CD247: variants seen among roughly 807,000 people sequenced by gnomAD.
The protein encoded by CD247 is T-cell surface glycoprotein CD3 zeta chain.
A neutral mutation model predicts 30.0 loss-of-function variants in CD247; 13 were observed. The observed-to-expected ratio is 0.43, with a 90% confidence interval of 0.28 to 0.69. The LOEUF (loss-of-function observed/expected upper bound fraction) is 0.69, where lower values mean the gene tolerates loss of function less well. Among genes scored for constraint, CD247 ranks in the 30% least tolerant of loss-of-function variants. The pLI, the probability that CD247 is intolerant of heterozygous loss-of-function variation, is 0.16. For synonymous variants in CD247, 72 were observed against 80.0 expected (o/e 0.90, Z 0.53); for missense variants, 193 against 212.6 (o/e 0.91, Z 0.57).
At chr1:167,443,071 G>A (rs1465702262) in intron 1 of CD247, among the ~76,000 whole-genome samples, 1 of 152,044 alleles carries the variant, frequency 6.6e-6, no homozygotes, top group African/African-American at 2.4e-5. Context: ...CTCAACACCT[G>A]TTGAAATCAG....
rs992764966 is a variant in CD247, at chr1:167,494,044, G to GGGAGGAT, written c.58+24363_58+24364insATCCTCC. Among the ~76,000 whole-genome samples the GGGAGGAT allele has an allele frequency of 6.6e-6, 1 of 152,098 alleles. No individual in the cohort carries two copies. The highest frequency in any genetic ancestry group is 1.5e-5 in the Non-Finnish European group (1 of 68,034). ...CTCAGGGCTCTGCTGAGTTGGGTGGGGGAGGCTGGAGGCTGCAAAATGATG... is the reference window on the plus strand; with the variant it reads ...CTCAGGGCTCTGCTGAGTTGGGTGGGGGAGGATGGAGGCTGGAGGCTGCAAAATGATG... On this transcript the variant is annotated intron_variant, in intron 1 of 7. Transcript: ENST00000362089. The surrounding 1 kb of genome is among the most constrained non-coding windows in gnomAD (Gnocchi z 7.3).
intron 1 of CD247, among the ~76,000 whole-genome samples, chr1:167,485,727 C>T (rs1424372403): frequency 2.6e-5 from 4 of 152,150 alleles, no homozygotes; most frequent in Non-Finnish European, 5.9e-5. Flanking sequence ...TCAGGAATCC[C>T]TCCTTTCAGT....
chr1:167,450,182 T>C (rs1652287548), intron 1 of CD247, among the ~76,000 whole-genome samples: 1 of 152,172 alleles, frequency 6.6e-6, no homozygotes, highest in Non-Finnish European at 1.5e-5. Context: ...TTTTACAGGA[T>C]TGGAATTCCA....
chr1:167,491,555 G>A (rs760788347), intron 1 of CD247, among the ~76,000 whole-genome samples: 51 of 130,566 alleles, frequency 3.9e-4, no homozygotes, highest in African/African-American at 1.3e-3. Context: ...CAACAAGAGC[G>A]AAACTCCATC....
chr1:167,470,872 CTTT>C (rs768647657), intron 1 of CD247, among the ~76,000 whole-genome samples: 1 of 134,238 alleles, frequency 7.4e-6, no homozygotes, highest in Non-Finnish European at 1.6e-5. Context: ...TTCTTTCTTT[CTTT>C]TTTTTTTTTT....
intron 1 of CD247, among the ~76,000 whole-genome samples, chr1:167,501,752 A>T (rs949664282): frequency 1.4e-4 from 22 of 152,240 alleles, no homozygotes; most frequent in African/African-American, 4.3e-4. Flanking sequence ...AGCCAAGGAG[A>T]CCAGAAGGCA....
chr1:167,498,031 G>C (rs1654765529), intron 1 of CD247, among the ~76,000 whole-genome samples: 1 of 152,200 alleles, frequency 6.6e-6, no homozygotes, highest in Non-Finnish European at 1.5e-5. Context: ...TACAGATCTT[G>C]CTGTAGATGG....
intron 1 of CD247, among the ~76,000 whole-genome samples, chr1:167,461,330 A>G (rs924535003): frequency 6.6e-6 from 1 of 152,264 alleles, no homozygotes; most frequent in Non-Finnish European, 1.5e-5. Flanking sequence ...CAGCATCGGC[A>G]GCACTCTAGA....
At chr1:167,478,294 C>G (rs35023998) in intron 1 of CD247, among the ~76,000 whole-genome samples, 3,076 of 152,320 alleles carry the variant, frequency 0.02, 57 homozygotes, top group Non-Finnish European at 0.031. Flanking sequence ...TTGTTTCTAG[C>G]TACGCAGTTA....
intron 1 of CD247, among the ~76,000 whole-genome samples, chr1:167,492,201 A>G (rs1654484564): frequency 6.6e-6 from 1 of 152,360 alleles, no homozygotes; most frequent in South Asian, 2.1e-4. Context: ...AGCCTGTGCT[A>G]TGAAAATTGC....
intron 1 of CD247, among the ~76,000 whole-genome samples, chr1:167,480,737 T>C (rs1212137457): frequency 6.6e-6 from 1 of 152,236 alleles, no homozygotes; most frequent in East Asian, 1.9e-4. Flanking sequence ...ACATTAAATA[T>C]ATATTTATTT....
Position 167,440,683 on chromosome 1 carries a change from G to T in CD247, c.143C>A (p.Ala48Asp). 6.2e-7 allele frequency: 1 copy of T among 1,612,540 alleles called. No homozygotes were observed. The highest frequency in any genetic ancestry group is 8.5e-7 in the Non-Finnish European group (1 of 1,178,702). ...ACCCACCTTCACTCTCAGGAACAAGGCAGTGAGAATGACACCATAGATGAA... is the reference window on the plus strand; with the variant it reads ...ACCCACCTTCACTCTCAGGAACAAGTCAGTGAGAATGACACCATAGATGAA... ...ILFIYGVILT[A>D]LFLRVKFSRS... is the part of the protein sequence containing the mutation. The change falls in exon 2 of 8, where the codon GCC becomes GAC. Residue 48 changes from alanine (A) to aspartate (D), a missense_variant. Physicochemically the swap from Ala to Asp is moderately radical, Grantham distance 126. Coordinates refer to ENST00000362089, the MANE Select transcript of CD247 (RefSeq NM_198053.3).
At chr1:167,464,966 C>T (rs186917529) in intron 1 of CD247, among the ~76,000 whole-genome samples, 1 of 152,176 alleles carries the variant, frequency 6.6e-6, no homozygotes, top group South Asian at 2.1e-4. Context: ...TTTTAGAGAG[C>T]CACATAGTAT....
chr1:167,452,821 G>A (rs983596218), intron 1 of CD247, among the ~76,000 whole-genome samples: 1 of 151,610 alleles, frequency 6.6e-6, no homozygotes, highest in Admixed American at 6.6e-5. Flanking sequence ...GCCCCCCAAC[G>A]CCAGTGGACA....
chr1:167,433,378 T>C (rs1002239613), intron 6 of CD247, among the ~76,000 whole-genome samples: 1 of 152,168 alleles, frequency 6.6e-6, no homozygotes, highest in African/African-American at 2.4e-5. Flanking sequence ...TCCCTTCAGC[T>C]CTTAAAGTTC....
intron 1 of CD247, among the ~76,000 whole-genome samples, chr1:167,461,948 A>G (rs994246499): frequency 1.3e-5 from 2 of 152,354 alleles, no homozygotes; most frequent in South Asian, 4.1e-4. Flanking sequence ...GAATATCTAA[A>G]TCACTCTGCA....
chr1:167,433,020 C>T lies in CD247; in HGVS notation c.429+4G>A, dbSNP rs569894562. 9 of 1,614,198 alleles carry T rather than the reference C, an allele frequency of 5.6e-6. No individual in the cohort carries two copies. Among genetic ancestry groups the T allele is most frequent in the Admixed American group, 1.7e-5 (1 of 60,034 alleles). ...TCCACTGAAGGGACGCCGGCAGCTC[C>T]TACCTGGTAAAGGCCATCGTGCCCC... is the stretch of plus-strand genomic sequence containing the variant. On this transcript the variant is annotated splice_donor_region_variant and intron_variant, in intron 7 of 7. Transcript: ENST00000362089.
chr1:167,440,174 C>G (rs180784773), intron 2 of CD247: 1 of 201,648 alleles, frequency 5.0e-6, no homozygotes, highest in East Asian at 1.2e-4. Flanking sequence ...CCCCTTTACT[C>G]CTAAATTCTT....
intron 1 of CD247, among the ~76,000 whole-genome samples, chr1:167,470,113 C>T (rs1009242151): frequency 2.0e-5 from 3 of 152,028 alleles, no homozygotes; most frequent in Admixed American, 6.6e-5. Flanking sequence ...GGGGTTTCAC[C>T]ATGTTGGCCA....
Sources: allele counts gnomAD v4.1 joint callset (sites outside exome capture counted in the v4.1 genomes callset), GRCh38; gene constraint gnomAD v4.1.1; non-coding constraint Gnocchi (gnomAD v3.1); transcripts MANE v1.5; gene names NCBI Gene and HGNC (gene_info 2026-07-23, HGNC 2026-07-21).